The following PPP1R12B variants were observed in gnomAD, a reference collection of about 807,000 sequenced individuals.
PPP1R12B encodes myosin phosphatase target subunit 2.
In PPP1R12B, 76 loss-of-function variants were observed where a neutral mutation model predicts 126.1. The ratio of observed to expected loss-of-function variants is 0.60; its 90% CI spans 0.50 to 0.73. The LOEUF is 0.73. PPP1R12B is among the 30% of genes least tolerant of loss of function. The pLI is 0.00. For synonymous variants in PPP1R12B, 356 were observed against 434.7 expected (o/e 0.82, Z 2.25); for missense variants, 1,052 against 1,205.1 (o/e 0.87, Z 1.88).
chr1:202,394,000 A>G (rs1302576321), intron 1 of PPP1R12B, among the ~76,000 whole-genome samples: 1 of 152,088 alleles, frequency 6.6e-6, no homozygotes, highest in Non-Finnish European at 1.5e-5. Flanking sequence ...AGAAAGAAAA[A>G]CTCACTGAAG....
intron 18 of PPP1R12B, among the ~76,000 whole-genome samples, chr1:202,510,639 A>G (rs1681355242): frequency 6.6e-6 from 1 of 152,054 alleles, no homozygotes; most frequent in South Asian, 2.1e-4. Context: ...CCTCTAGGAC[A>G]ATTGAGTCCC....
chr1:202,474,025 G>A (rs1676301340), intron 13 of PPP1R12B: 10 of 507,332 alleles, frequency 2.0e-5, no homozygotes, highest in South Asian at 1.5e-4. Flanking sequence ...AGGGAAAGGT[G>A]TACAGAGACA....
At chr1:202,545,730 A>G (rs1432244234) in intron 18 of PPP1R12B, among the ~76,000 whole-genome samples, 4 of 152,254 alleles carry the variant, frequency 2.6e-5, no homozygotes, top group Non-Finnish European at 5.9e-5. Context: ...TAGATCAGCC[A>G]TGTGGTTAAT....
At chr1:202,449,337 G>A (rs1427805847) in intron 13 of PPP1R12B, among the ~76,000 whole-genome samples, 166 bp downstream of exon 13, 7 of 151,000 alleles carry the variant, frequency 4.6e-5, no homozygotes, top group Admixed American at 6.6e-5. Flanking sequence ...GTGCAGTGGC[G>A]CCATCTTGGC....
chr1:202,506,925 T>TA (rs1251276584), intron 18 of PPP1R12B, among the ~76,000 whole-genome samples: 1 of 152,174 alleles, frequency 6.6e-6, no homozygotes, highest in Non-Finnish European at 1.5e-5. Context: ...CTGCATGCAT[T>TA]AAGTGGAAAG....
intron 23 of PPP1R12B, chr1:202,575,053 C>G (rs1558393616): frequency 6.2e-7 from 1 of 1,613,656 alleles, no homozygotes; most frequent in South Asian, 1.1e-5. Context: ...GAACGAGCAA[C>G]TGCAGGCTGA....
At chr1:202,412,202 G>C (rs1667484050) in intron 1 of PPP1R12B, among the ~76,000 whole-genome samples, 1 of 152,156 alleles carries the variant, frequency 6.6e-6, no homozygotes, top group Non-Finnish European at 1.5e-5. Flanking sequence ...TGTAGTCCCA[G>C]CTACTTGGAA....
chr1:202,359,911 G>GGTGT (rs368422256), intron 1 of PPP1R12B, among the ~76,000 whole-genome samples: 6 of 151,690 alleles, frequency 4.0e-5, no homozygotes, highest in African/African-American at 1.5e-4. Flanking sequence ...ATTGTTCACA[G>GGTGT]GTGTGTGTGT....
intron 1 of PPP1R12B, among the ~76,000 whole-genome samples, chr1:202,394,715 T>C (rs887273428): frequency 6.7e-6 from 1 of 149,872 alleles, no homozygotes; most frequent in Non-Finnish European, 1.5e-5. Context: ...AATTGCACCA[T>C]TGCACTCTAG....
chr1:202,397,993 C>A (rs939504356), intron 1 of PPP1R12B, among the ~76,000 whole-genome samples: 9 of 152,166 alleles, frequency 5.9e-5, no homozygotes, highest in African/African-American at 2.2e-4. Context: ...CTCACTGCAA[C>A]CTCCACCTCC....
intron 1 of PPP1R12B, among the ~76,000 whole-genome samples, chr1:202,388,203 A>G (rs1663488211): frequency 6.6e-6 from 1 of 151,150 alleles, no homozygotes; most frequent in African/African-American, 2.4e-5. Context: ...TCTTTTTTTG[A>G]GCTGGAGTCT....
At chr1:202,502,360 A>G (rs1323761113) in intron 18 of PPP1R12B, 2 of 985,176 alleles carry the variant, frequency 2.0e-6, no homozygotes, top group Admixed American at 1.2e-4. Flanking sequence ...ACATGAAAGA[A>G]CACAATTGGA....
At chr1:202,436,976 G>A (rs186381613) in intron 9 of PPP1R12B, among the ~76,000 whole-genome samples, 88 of 152,086 alleles carry the variant, frequency 5.8e-4, no homozygotes, top group Non-Finnish European at 9.6e-4. Flanking sequence ...GTGGAGTGGC[G>A]TCTAGAATTT....
chr1:202,433,654 G>A (rs1417478), intron 8 of PPP1R12B, among the ~76,000 whole-genome samples: 6,179 of 152,252 alleles, frequency 0.041, 343 homozygotes, highest in African/African-American at 0.12. Flanking sequence ...CATTTAAGCC[G>A]AAATTCATTT....
rs567504025 is a variant in PPP1R12B, at chr1:202,378,073, C to T, written c.291+28931C>T. The stretch of plus-strand genomic sequence containing the variant: ...CAGGATGATCTCGATCTCCTGACCT[C>T]GTGATCCGCCCGCCTCAGCCTCCCA... On this transcript the variant is annotated intron_variant, in intron 1 of 23. Coordinates refer to ENST00000608999, the MANE Select transcript of PPP1R12B (RefSeq NM_002481.4). Among the ~76,000 whole-genome samples the T allele has an allele frequency of 1.2e-3, 176 of 151,606 alleles. 1 individual carries two copies. The highest frequency in any genetic ancestry group is 6.8e-3 in the Middle Eastern group (2 of 292).
At chr1:202,501,405 C>G (rs1222076805) in intron 18 of PPP1R12B, among the ~76,000 whole-genome samples, 1 of 152,168 alleles carries the variant, frequency 6.6e-6, no homozygotes, top group Non-Finnish European at 1.5e-5. Context: ...CTATTGCTTT[C>G]TTACTGTTTT....
intron 1 of PPP1R12B, among the ~76,000 whole-genome samples, chr1:202,353,842 G>T (rs1359784932): frequency 6.6e-6 from 1 of 151,794 alleles, no homozygotes; most frequent in Non-Finnish European, 1.5e-5. Flanking sequence ...TGAACTCCTG[G>T]GCTAAAACAA....
intron 13 of PPP1R12B, among the ~76,000 whole-genome samples, chr1:202,481,074 C>T (rs974866974): frequency 2.0e-5 from 3 of 152,170 alleles, no homozygotes; most frequent in Non-Finnish European, 4.4e-5. Context: ...AACCTAGATT[C>T]CTGGCATGGG....
chr1:202,541,530 T>C (rs1428947173), intron 18 of PPP1R12B, among the ~76,000 whole-genome samples: 2 of 152,174 alleles, frequency 1.3e-5, no homozygotes, highest in Non-Finnish European at 2.9e-5. Flanking sequence ...TGTTGGGTAT[T>C]TTTTGCTGGC....
Sources: gnomAD v4.1 joint callset for allele counts (sites outside exome capture counted in the v4.1 genomes callset) on GRCh38, gnomAD v4.1.1 for gene constraint, MANE v1.5 for transcripts, NCBI Gene and HGNC (gene_info 2026-07-23, HGNC 2026-07-21) for gene names.